THRAP3: variants seen among roughly 807,000 people sequenced by gnomAD.
THRAP3 encodes thyroid hormone receptor associated protein 3, also known as thyroid hormone receptor-associated protein 3.
Under a neutral mutation model 101.0 loss-of-function variants are expected in THRAP3, and 16 were observed. The ratio of observed to expected loss-of-function variants is 0.16; its 90% confidence interval spans 0.11 to 0.24. The LOEUF (loss-of-function observed/expected upper bound fraction) is 0.24, where lower values mean the gene tolerates loss of function less well. Among genes scored for constraint, THRAP3 ranks in the 10% least tolerant of loss-of-function variants. The pLI is 1.00. For missense variants in THRAP3, 989 were observed against 1,202.7 expected, an observed-to-expected ratio of 0.82 and a Z score of 2.63; for synonymous variants, 407 against 422.6, an observed-to-expected ratio of 0.96 and a Z score of 0.45.
chr1:36,241,267 T>G (rs917765485), intron 1 of THRAP3, among the ~76,000 whole-genome samples: 3 of 150,688 alleles, frequency 2.0e-5, no homozygotes, highest in African/African-American at 7.3e-5. Context: ...ACCACACTTG[T>G]TTTTGTAAAC....
Position 36,303,865 on chromosome 1 carries a change from C to T in THRAP3, c.2716C>T (p.Arg906Trp), listed in dbSNP as rs765264700. ...SRGRGRGAFP[R>W]GRGRFMFRKS... ...GGGCCGGGGCCGAGGAGCCTTTCCTCGGGGTCGGGGCCGGTTCATGTTCCG... is the reference window on the plus strand; with the variant it reads ...GGGCCGGGGCCGAGGAGCCTTTCCTTGGGGTCGGGGCCGGTTCATGTTCCG... The change falls in exon 12 of 12, where the codon CGG becomes TGG. Residue 906 changes from arginine (R) to tryptophan (W), a missense_variant. Coordinates refer to ENST00000354618, the MANE Select transcript of THRAP3 (RefSeq NM_005119.4). 9 of 1,613,872 alleles carry T rather than the reference C, an allele frequency of 5.6e-6. 1 individual carries two copies. The highest frequency in any genetic ancestry group is 5.3e-5 in the African/African-American group (4 of 74,886).
At chr1:36,243,946 G>A (rs573864499) in intron 1 of THRAP3, among the ~76,000 whole-genome samples, 511 of 41,736 alleles carry the variant, frequency 0.012, 42 homozygotes, top group Non-Finnish European at 0.016. Context: ...CCTCCCTCCC[G>A]GATGGGGCGG....
the THRAP3 span, among the ~76,000 whole-genome samples, chr1:36,213,761 C>T: frequency 1.3e-5 from 2 of 151,498 alleles, no homozygotes; most frequent in African/African-American, 2.4e-5. Flanking sequence ...GCAGGAGAAT[C>T]GCTTGAACCC....
At chr1:36,239,178 A>T (rs1645125531) in intron 1 of THRAP3, among the ~76,000 whole-genome samples, 1 of 148,940 alleles carries the variant, frequency 6.7e-6, no homozygotes, top group Non-Finnish European at 1.5e-5. Context: ...TTCTGGGATT[A>T]CAGGTGTGAG....
chr1:36,293,334 C>G lies in THRAP3; in HGVS notation c.2031-517C>G, dbSNP rs1645902621. Among the ~76,000 whole-genome samples the G allele has an allele frequency of 2.0e-5, 3 of 152,094 alleles. No homozygotes were observed. The South Asian group carries it at 6.2e-4, about 32-fold the overall frequency. ...GTGAGCCACTGCGCCCAGCCTAATG[C>G]TAGTTTCTTTAGGTAAGCCTGTATA... On this transcript the variant is annotated intron_variant, in intron 7 of 11. Coordinates refer to ENST00000354618, the MANE Select transcript of THRAP3 (RefSeq NM_005119.4).
chr1:36,288,043 C>A, intron 4 of THRAP3: 1 of 962,442 alleles, frequency 1.0e-6, no homozygotes, highest in Non-Finnish European at 1.2e-6. Flanking sequence ...TCCCTTGATT[C>A]TTCTTGGCTG....
At chr1:36,281,360 C>G (rs574098360) in intron 2 of THRAP3, among the ~76,000 whole-genome samples, 3 of 152,306 alleles carry the variant, frequency 2.0e-5, no homozygotes, top group Middle Eastern at 6.8e-3. Context: ...TAACAGCTGA[C>G]TTTAGTCTCA....
intron 1 of THRAP3, among the ~76,000 whole-genome samples, chr1:36,243,147 CTTTCT>C (rs1260033201): frequency 4.1e-5 from 3 of 73,178 alleles, no homozygotes; most frequent in African/African-American, 1.7e-4. Context: ...TTGTGAGGAA[CTTTCT>C]TTTTTTTTTT....
chr1:36,286,924 T>C lies in THRAP3; in HGVS notation c.694T>C (p.Ser232Pro). Residue 232 changes from serine (S) to proline (P), a missense_variant, in exon 4 of 12, where the codon TCT (serine) becomes CCT (proline). Transcript: ENST00000354618. This position sits in a 1 kb window ranked among gnomAD's most constrained non-coding sequence, Gnocchi z 5.5. ...PWPDATYGTG[S>P]ASRASAVSEL... is the part of the protein sequence containing the mutation. ...GCCAGATGCCACCTACGGCACTGGT[T>C]CTGCATCACGGGCCTCAGCAGTTTC... is the stretch of plus-strand genomic sequence containing the variant. The C allele has an allele frequency of 6.2e-7, 1 of 1,614,242 alleles. No homozygotes were observed. The highest frequency in any genetic ancestry group is 8.5e-7 in the Non-Finnish European group (1 of 1,180,040).
chr1:36,282,731 A>G, intron 3 of THRAP3, 31 bp downstream of exon 3: 1 of 1,612,210 alleles, frequency 6.2e-7, no homozygotes, highest in Non-Finnish European at 8.5e-7. Flanking sequence ...ATATTGAGAT[A>G]ATCATTGCAT....
Position 36,286,298 on chromosome 1 carries a change from A to C in THRAP3, c.138-70A>C. On this transcript the variant is annotated intron_variant, in intron 3 of 11. Coordinates refer to ENST00000354618, the MANE Select transcript of THRAP3 (RefSeq NM_005119.4). This position sits in a 1 kb window ranked among gnomAD's most constrained non-coding sequence, Gnocchi z 5.5. ...GACACATAAGGGCAGGGATTTCAGA[A>C]CAGATTTTTCTTGAATAAAAATGCT... is the stretch of plus-strand genomic sequence containing the variant. 6.8e-7 allele frequency: 1 copy of C among 1,465,752 alleles called. No homozygotes were observed. Among genetic ancestry groups the C allele is most frequent in the South Asian group, 1.4e-5 (1 of 72,492 alleles). 90.8% of individuals were successfully genotyped at this position (1,465,752 alleles called of 1,614,324 possible).
chr1:36,232,469 C>T (rs1645039110), intron 1 of THRAP3, among the ~76,000 whole-genome samples: 1 of 152,156 alleles, frequency 6.6e-6, no homozygotes, highest in African/African-American at 2.4e-5. Context: ...TGCTGTTTCC[C>T]TCCCCAACCC....
rs758097583 is a variant in THRAP3 at position 36,289,263 on chromosome 1, G to A, written c.1244G>A (p.Arg415Gln). Residue 415 changes from arginine (R) to glutamine (Q), a missense_variant, in exon 5 of 12, where the codon CGA (arginine) becomes CAA (glutamine). Arg to Gln is a conservative substitution (Grantham distance 43). Transcript: ENST00000354618. ...CAGTCTCCCAAAAGGTATAAGCTCC[G>A]AGATGACTTTGAGAAGAAGATGGCT... ...GSQSPKRYKL[R>Q]DDFEKKMADF... 10 of 1,614,086 alleles carry A rather than the reference G, an allele frequency of 6.2e-6. No homozygotes were observed. Among genetic ancestry groups the A allele is most frequent in the East Asian group, 2.2e-5 (1 of 44,890 alleles).
chr1:36,233,391 A>G (rs1412818422), intron 1 of THRAP3, among the ~76,000 whole-genome samples: 2 of 151,860 alleles, frequency 1.3e-5, no homozygotes, highest in Non-Finnish European at 2.9e-5. Flanking sequence ...CTGTAGTCCC[A>G]GCTACTTGGG....
intron 1 of THRAP3, among the ~76,000 whole-genome samples, chr1:36,244,364 A>G (rs1282818933): frequency 4.6e-5 from 7 of 152,152 alleles, no homozygotes; most frequent in Non-Finnish European, 8.8e-5. Context: ...GCTACTTCCA[A>G]TTTGTAATTA....
At chr1:36,244,485 C>G (rs1645207478) in intron 1 of THRAP3, among the ~76,000 whole-genome samples, 2 of 152,194 alleles carry the variant, frequency 1.3e-5, no homozygotes, top group African/African-American at 4.8e-5. Context: ...ATACCTTCTT[C>G]TTAGCTTTAC....
chr1:36,284,492 T>C (rs1645771058), intron 3 of THRAP3, among the ~76,000 whole-genome samples: 1 of 152,252 alleles, frequency 6.6e-6, no homozygotes, highest in Non-Finnish European at 1.5e-5. Flanking sequence ...GTTTTTTCTT[T>C]TGTTTTCCCT....
At chr1:36,240,683 A>AT (rs919148385) in intron 1 of THRAP3, among the ~76,000 whole-genome samples, 16 of 151,638 alleles carry the variant, frequency 1.1e-4, no homozygotes, top group South Asian at 6.2e-4. Context: ...AGCCCTTAAC[A>AT]TTTTTTTTGG....
chr1:36,301,788 G>C, intron 11 of THRAP3, 92 bp downstream of exon 11: 1 of 1,471,790 alleles, frequency 6.8e-7, no homozygotes, highest in Non-Finnish European at 9.2e-7. Context: ...CCAAAACTGC[G>C]ATTAAATGTA....
Sources: gnomAD v4.1 joint callset for allele counts (sites outside exome capture counted in the v4.1 genomes callset) on GRCh38, gnomAD v4.1.1 for gene constraint, Gnocchi (gnomAD v3.1) non-coding constraint, MANE v1.5 for transcripts, NCBI Gene and HGNC (gene_info 2026-07-23, HGNC 2026-07-21) for gene names.